RAB23: variants seen among roughly 807,000 people sequenced by gnomAD.
The protein encoded by RAB23 is RAB23, member RAS oncogene family.
RAB23 carries 15 observed loss-of-function variants against 30.0 expected under a neutral mutation model. The observed-to-expected ratio is 0.50, with a 90% CI of 0.33 to 0.77. RAB23 has a LOEUF of 0.77. RAB23 is among the 30% of genes least tolerant of loss of function. The pLI is 0.02. For synonymous variants in RAB23, 93 were observed against 94.0 expected (o/e 0.99, Z 0.06); for missense variants, 243 against 275.4 (o/e 0.88, Z 0.83).
intron 1 of RAB23, among the ~76,000 whole-genome samples, chr6:57,215,884 T>C (rs1481183377): frequency 6.6e-6 from 1 of 152,098 alleles, no homozygotes; most frequent in African/African-American, 2.4e-5. Context: ...TAAAGGACTA[T>C]AAAGGGAGGT....
At chr6:57,213,810 A>G (rs1184465322) in intron 1 of RAB23, among the ~76,000 whole-genome samples, 15 of 152,144 alleles carry the variant, frequency 9.9e-5, no homozygotes, top group Admixed American at 9.8e-4. Flanking sequence ...TATCACCACC[A>G]ACAACAAAAA....
chr6:57,196,719 AC>A, intron 3 of RAB23, 113 bp from the exon 4 acceptor site: 1 of 1,359,328 alleles, frequency 7.4e-7, no homozygotes, highest in South Asian at 1.3e-5. Flanking sequence ...TCCATTCAAA[AC>A]AACTTTTATG....
intron 6 of RAB23, among the ~76,000 whole-genome samples, chr6:57,191,278 G>A (rs934141571): frequency 6.6e-6 from 1 of 152,060 alleles, no homozygotes; most frequent in African/African-American, 2.4e-5. Context: ...CCTAAGGTAC[G>A]CATGTTATTA....
intron 1 of RAB23, chr6:57,221,423 T>G (rs1415672268): frequency 1.3e-5 from 2 of 152,244 alleles, no homozygotes; most frequent in Non-Finnish European, 1.5e-5. Flanking sequence ...ACAGCACAAT[T>G]TGGCTCATTC....
intron 6 of RAB23, among the ~76,000 whole-genome samples, chr6:57,191,502 T>G (rs974270347): frequency 1.3e-5 from 2 of 152,162 alleles, no homozygotes; most frequent in South Asian, 4.1e-4. Flanking sequence ...CAGGCTGGAG[T>G]GCAGTTGTGT....
intron 1 of RAB23, among the ~76,000 whole-genome samples, chr6:57,220,156 C>G (rs572478539): frequency 7.2e-5 from 11 of 152,116 alleles, no homozygotes; most frequent in African/African-American, 2.7e-4. Context: ...CACATGAAAA[C>G]ATGTACATCT....
chr6:57,213,200 G>A (rs1166527680), intron 1 of RAB23, among the ~76,000 whole-genome samples: 3 of 152,168 alleles, frequency 2.0e-5, no homozygotes, highest in Admixed American at 6.5e-5. Flanking sequence ...TGCTGCTGCT[G>A]ATTTGACAGG....
In RAB23 at chr6:57,196,583, A is replaced by G. The variant is rs1765031798; in HGVS notation, c.265T>C (p.Phe89Leu). 1 of 1,613,854 alleles carries G rather than the reference A, an allele frequency of 6.2e-7. No individual in the cohort carries two copies. Among genetic ancestry groups the G allele is most frequent in the Non-Finnish European group, 8.5e-7 (1 of 1,179,950 alleles). Residue 89 changes from phenylalanine to leucine, a missense_variant, in exon 4 of 7, where the codon TTC becomes CTC. Phe to Leu is a conservative substitution (Grantham distance 22). Coordinates refer to ENST00000468148, the MANE Select transcript of RAB23 (RefSeq NM_016277.5). ...AAAGATTCCCTATCTGTGGTAGAGA[A>G]CACGAGCACACAAGCCTGGGCTCCT... The part of the protein sequence containing the change: ...YRGAQACVLV[F>L]STTDRESFEA...
intron 3 of RAB23, among the ~76,000 whole-genome samples, chr6:57,203,032 A>G (rs1184723741): frequency 1.6e-5 from 2 of 121,564 alleles, no homozygotes; most frequent in Admixed American, 9.5e-5. Flanking sequence ...TTTGAGACAG[A>G]GTCTTGCTCT....
intron 3 of RAB23, among the ~76,000 whole-genome samples, chr6:57,206,704 A>G (rs941601964): frequency 9.2e-5 from 14 of 152,172 alleles, no homozygotes; most frequent in African/African-American, 3.4e-4. Flanking sequence ...AGTCTTGAGG[A>G]ATGTGAGTAT....
Position 57,187,234 on chromosome 6 carries a change from T to C in RAB23, c.*3227A>G, listed in dbSNP as rs1306865312. ...AAGACCATTTACTAACATCCTACTGTAGATATTTCGAGAGACAGATGAAAA... is the reference window on the plus strand; with the variant it reads ...AAGACCATTTACTAACATCCTACTGCAGATATTTCGAGAGACAGATGAAAA... On this transcript the variant is annotated 3_prime_UTR_variant, in exon 7 of 7. Transcript: ENST00000468148. 6.6e-6 allele frequency: 1 copy of C among 152,194 alleles called. No individual in the cohort carries two copies. Among genetic ancestry groups the C allele is most frequent in the African/African-American group, 2.4e-5 (1 of 41,458 alleles). 9.4% of individuals were successfully genotyped at this position (152,194 alleles called of 1,614,324 possible).
At chr6:57,196,355 G>T in intron 4 of RAB23, 95 bp downstream of exon 4, 3 of 1,429,860 alleles carry the variant, frequency 2.1e-6, no homozygotes, top group South Asian at 2.3e-5. Flanking sequence ...TGAAAGTATA[G>T]AATTTTTCCT....
At chr6:57,214,891 C>A (rs1765780179) in intron 1 of RAB23, among the ~76,000 whole-genome samples, 1 of 151,618 alleles carries the variant, frequency 6.6e-6, no homozygotes, top group Admixed American at 6.6e-5. Context: ...ATAAGGATTT[C>A]AAAAATAAAA....
intron 1 of RAB23, among the ~76,000 whole-genome samples, chr6:57,216,341 T>C (rs530519498): frequency 6.6e-6 from 1 of 152,274 alleles, no homozygotes; most frequent in African/African-American, 2.4e-5. Flanking sequence ...AAAACAATAA[T>C]ACAAGCAGGT....
chr6:57,211,454 T>C (rs1370437488), intron 1 of RAB23, among the ~76,000 whole-genome samples: 2 of 151,960 alleles, frequency 1.3e-5, no homozygotes, highest in African/African-American at 4.8e-5. Flanking sequence ...AACAAGATGC[T>C]GTCTCTAAAA....
intron 1 of RAB23, among the ~76,000 whole-genome samples, chr6:57,215,467 T>G (rs955837597): frequency 6.6e-6 from 1 of 152,180 alleles, no homozygotes; most frequent in East Asian, 1.9e-4. Context: ...TCAGAAACCA[T>G]GGAGGCCAGA....
At chr6:57,219,660 C>T (rs1005471064) in intron 1 of RAB23, among the ~76,000 whole-genome samples, 3 of 152,118 alleles carry the variant, frequency 2.0e-5, no homozygotes, top group Non-Finnish European at 2.9e-5. Context: ...TAGACCCTCA[C>T]AAATAAAGAC....
intron 3 of RAB23, among the ~76,000 whole-genome samples, chr6:57,196,981 A>T (rs1173626245): frequency 6.6e-6 from 1 of 152,214 alleles, no homozygotes; most frequent in Non-Finnish European, 1.5e-5. Context: ...GAGAATGGTA[A>T]ACTAAAATTA....
rs202175668 is a variant in RAB23, at chr6:57,204,512, T to C, written c.241+3116A>G. On this transcript the variant is annotated intron_variant, in intron 3 of 6. Coordinates refer to ENST00000468148, the MANE Select transcript of RAB23 (RefSeq NM_016277.5). ...CAATACAGGATGTTTAAAGAGACTT[T>C]GAAAAAATAATTCATAACTGCTTCC... Among the ~76,000 whole-genome samples, 58 of 152,302 alleles carry C rather than the reference T, an allele frequency of 3.8e-4. No individual in the cohort carries two copies. In the East Asian group the frequency reaches 8.1e-3, roughly 21 times the overall value.
Sources: allele counts gnomAD v4.1 joint callset (sites outside exome capture counted in the v4.1 genomes callset), GRCh38; gene constraint gnomAD v4.1.1; transcripts MANE v1.5; gene names NCBI Gene and HGNC (gene_info 2026-07-23, HGNC 2026-07-21).